The following SNTG1 variants were observed in gnomAD, a reference collection of about 807,000 sequenced individuals.
SNTG1 encodes gamma-1-syntrophin.
In SNTG1, 39 loss-of-function variants were observed where a neutral mutation model predicts 74.7. The observed-to-expected ratio is 0.52, with a 90% confidence interval of 0.40 to 0.68. The LOEUF (loss-of-function observed/expected upper bound fraction) is 0.68. Among genes scored for constraint, SNTG1 ranks in the 30% least tolerant of loss-of-function variants. SNTG1 has a pLI of 0.00. For synonymous variants in SNTG1, 254 were observed against 217.1 expected (o/e 1.17, Z -1.49); for missense variants, 685 against 609.5 (o/e 1.12, Z -1.30).
intron 2 of SNTG1, among the ~76,000 whole-genome samples, chr8:50,179,398 T>C (rs2083118145): frequency 6.6e-6 from 1 of 152,188 alleles, no homozygotes; most frequent in South Asian, 2.1e-4. Context: ...TAGGCAGTAT[T>C]TGACATTTTA....
intron 1 of SNTG1, among the ~76,000 whole-genome samples, chr8:49,961,456 A>G (rs1810676335): frequency 6.6e-6 from 1 of 152,178 alleles, no homozygotes; most frequent in African/African-American, 2.4e-5. Context: ...CTATTCCTTA[A>G]ACATAATCAT....
intron 1 of SNTG1, among the ~76,000 whole-genome samples, chr8:50,013,754 CACATATATTTAACATTTTTCCTGGGGGA>C (rs1457063473): frequency 2.0e-5 from 3 of 151,930 alleles, no homozygotes; most frequent in East Asian, 3.9e-4. Flanking sequence ...TATAAAACTT[CACATATATTTAACATTTTTCCTGGGGGA>C]AATAATAAAG....
intron 2 of SNTG1, among the ~76,000 whole-genome samples, chr8:50,219,956 C>T (rs917369182): frequency 1.3e-5 from 2 of 152,110 alleles, no homozygotes; most frequent in African/African-American, 4.8e-5. Flanking sequence ...GTTTAATTCA[C>T]CAGGAGGGGA....
chr8:50,625,714 A>C (rs1047919113), intron 13 of SNTG1, among the ~76,000 whole-genome samples: 2 of 152,220 alleles, frequency 1.3e-5, no homozygotes, highest in African/African-American at 4.8e-5. Flanking sequence ...AAAGTATTCA[A>C]TTCTTGCTTT....
At chr8:50,692,636 C>G (rs2095386511) in intron 15 of SNTG1, among the ~76,000 whole-genome samples, 1 of 152,116 alleles carries the variant, frequency 6.6e-6, no homozygotes, top group African/African-American at 2.4e-5. Flanking sequence ...AGTACCTGGC[C>G]ATGTGAGGTA....
intron 3 of SNTG1, among the ~76,000 whole-genome samples, chr8:50,395,914 C>T (rs2131320810): frequency 6.6e-6 from 1 of 152,156 alleles, no homozygotes; most frequent in East Asian, 1.9e-4. Context: ...CATTGAAACC[C>T]AGTGGATATT....
In SNTG1 at chr8:50,381,596, A is replaced by ATATATATATATATCTCCTATTAGT. The variant is rs2092481723; in HGVS notation, c.-27-12605_-27-12604insATCTCCTATTAGTTATATATATAT. On this transcript the variant is annotated intron_variant, in intron 2 of 18. Coordinates refer to ENST00000642720, the MANE Select transcript of SNTG1 (RefSeq NM_018967.5). ...TGTGTGTGTGTGTGTGTGTGTGTAT[A>ATATATATATATATCTCCTATTAGT]TATATATATATCTCCTATTAGTTAT... 2.4e-5 allele frequency among the ~76,000 whole-genome samples: 3 copies of ATATATATATATATCTCCTATTAGT among 127,034 alleles called. 1 individual carries two copies. Among genetic ancestry groups the ATATATATATATATCTCCTATTAGT allele is most frequent in the Non-Finnish European group, 3.5e-5 (2 of 56,388 alleles). The allele number at this position is 127,034 out of a possible 152,430, so 83.3% of individuals were successfully genotyped here.
chr8:50,256,554 A>G (rs1000876573), intron 2 of SNTG1, among the ~76,000 whole-genome samples: 25 of 152,220 alleles, frequency 1.6e-4, no homozygotes, highest in African/African-American at 6.0e-4. Flanking sequence ...GATGGACAAT[A>G]TATAAGGAAA....
intron 2 of SNTG1, among the ~76,000 whole-genome samples, chr8:50,200,093 A>G (rs1017049379): frequency 1.3e-5 from 2 of 152,186 alleles, no homozygotes; most frequent in Non-Finnish European, 2.9e-5. Context: ...ACATAATAAC[A>G]GCAAATATTT....
chr8:50,357,976 G>GTT (rs144014954), intron 2 of SNTG1, among the ~76,000 whole-genome samples: 13 of 151,158 alleles, frequency 8.6e-5, no homozygotes, highest in Admixed American at 2.0e-4. Flanking sequence ...CCCTTTTTGT[G>GTT]TTTTTTTTTA....
At chr8:50,751,212 C>T (rs2095566585) in intron 17 of SNTG1, among the ~76,000 whole-genome samples, 1 of 151,928 alleles carries the variant, frequency 6.6e-6, no homozygotes, top group Non-Finnish European at 1.5e-5. Context: ...TGTTTGAACA[C>T]ACATACACAA....
At chr8:50,390,352 A>AT in intron 2 of SNTG1, among the ~76,000 whole-genome samples, 1 of 151,154 alleles carries the variant, frequency 6.6e-6, no homozygotes, top group South Asian at 2.1e-4. Flanking sequence ...TCGTTTCCCC[A>AT]TTTTTTGTCA....
intron 1 of SNTG1, among the ~76,000 whole-genome samples, chr8:50,098,814 A>G (rs2080023801): frequency 6.6e-6 from 1 of 152,150 alleles, no homozygotes; most frequent in African/African-American, 2.4e-5. Context: ...TAGGCAGGCA[A>G]TGTTCTAGGT....
intron 15 of SNTG1, among the ~76,000 whole-genome samples, chr8:50,661,176 C>T (rs987543232): frequency 3.9e-5 from 6 of 152,002 alleles, no homozygotes; most frequent in African/African-American, 1.2e-4. Flanking sequence ...ATTGAGCTTG[C>T]ATTTTATTAG....
At chr8:50,139,082 C>T (rs1244181427) in intron 1 of SNTG1, among the ~76,000 whole-genome samples, 2 of 152,078 alleles carry the variant, frequency 1.3e-5, no homozygotes, top group Non-Finnish European at 2.9e-5. Context: ...TATTTGCTTA[C>T]ATTTGTGTAG....
chr8:49,937,495 C>T (rs992665969), intron 1 of SNTG1, among the ~76,000 whole-genome samples: 1 of 152,176 alleles, frequency 6.6e-6, no homozygotes. Flanking sequence ...TTTATTTGTA[C>T]TGTTTCAAGG....
At chr8:50,168,389 T>C (rs1474809149) in intron 1 of SNTG1, among the ~76,000 whole-genome samples, 3 of 152,166 alleles carry the variant, frequency 2.0e-5, no homozygotes, top group Non-Finnish European at 4.4e-5. Context: ...ACAATTTGTT[T>C]TTTTCTCTAA....
chr8:50,131,044 G>T (rs1251136760), intron 1 of SNTG1, among the ~76,000 whole-genome samples: 1 of 151,590 alleles, frequency 6.6e-6, no homozygotes, highest in Admixed American at 6.6e-5. Flanking sequence ...AATAAAAACA[G>T]CATGTTTAAT....
intron 1 of SNTG1, among the ~76,000 whole-genome samples, chr8:50,075,435 T>C (rs1214899712): frequency 6.6e-6 from 1 of 152,218 alleles, no homozygotes; most frequent in Non-Finnish European, 1.5e-5. Flanking sequence ...ACTCTGTGTC[T>C]AGCTAATCTG....
Sources: allele counts gnomAD v4.1 joint callset (sites outside exome capture counted in the v4.1 genomes callset), GRCh38; gene constraint gnomAD v4.1.1; transcripts MANE v1.5; gene names NCBI Gene and HGNC (gene_info 2026-07-23, HGNC 2026-07-21).